Variants in OXR1 observed in about 807,000 individuals in gnomAD.
OXR1 encodes the protein oxidation resistance protein 1.
In OXR1, 41 loss-of-function variants were observed where a neutral mutation model predicts 104.6. The observed-to-expected ratio is 0.39, with a 90% CI of 0.31 to 0.51. OXR1 has a LOEUF of 0.51. Among genes scored for constraint, OXR1 ranks in the 20% least tolerant of loss-of-function variants. The pLI is 0.77. For synonymous variants in OXR1, 348 were observed against 348.4 expected, an observed-to-expected ratio of 1.00 and a Z score of 0.01; for missense variants, 955 against 1,031.9, an observed-to-expected ratio of 0.93 and a Z score of 1.02.
At chr8:106,400,195 T>C (rs1329535793) in intron 2 of OXR1, among the ~76,000 whole-genome samples, 1 of 152,158 alleles carries the variant, frequency 6.6e-6, no homozygotes, top group Non-Finnish European at 1.5e-5. Context: ...TTAATGATCG[T>C]TCAGGTTTAT....
At chr8:106,663,086 C>A (rs940075950) in intron 3 of OXR1, among the ~76,000 whole-genome samples, 1 of 152,188 alleles carries the variant, frequency 6.6e-6, no homozygotes, top group Non-Finnish European at 1.5e-5. Context: ...ATCCAAAACA[C>A]TCCTGTTCCC....
intron 1 of OXR1, among the ~76,000 whole-genome samples, chr8:106,296,045 TC>T (rs1812981427): frequency 6.6e-6 from 1 of 152,180 alleles, no homozygotes; most frequent in South Asian, 2.1e-4. Flanking sequence ...TTGAAATTGT[TC>T]CTGTAGGTGT....
chr8:106,644,055 G>T (rs1041065445), intron 3 of OXR1, among the ~76,000 whole-genome samples: 2 of 151,524 alleles, frequency 1.3e-5, no homozygotes, highest in Admixed American at 6.6e-5. Flanking sequence ...TTTACATTTT[G>T]ATTATAAAGA....
chr8:106,548,121 T>C (rs1815515816), intron 3 of OXR1, among the ~76,000 whole-genome samples: 1 of 152,216 alleles, frequency 6.6e-6, no homozygotes, highest in Admixed American at 6.5e-5. Context: ...TCTTTGCCAA[T>C]ATTTCTTATT....
intron 11 of OXR1, chr8:106,725,967 CT>C: frequency 5.9e-6 from 2 of 336,630 alleles, no homozygotes. Context: ...CTTTTGAGCC[CT>C]TTCTTTGCAC....
chr8:106,467,989 A>G (rs1208077290), intron 2 of OXR1, among the ~76,000 whole-genome samples: 1 of 151,896 alleles, frequency 6.6e-6, no homozygotes, highest in Non-Finnish European at 1.5e-5. Context: ...TAGAGCTAGA[A>G]AGAGAGTGAC....
chr8:106,408,272 A>C (rs536950022), intron 2 of OXR1, among the ~76,000 whole-genome samples: 1 of 152,258 alleles, frequency 6.6e-6, no homozygotes, highest in Non-Finnish European at 1.5e-5. Flanking sequence ...ACATTTTAGG[A>C]CATCAAGAGA....
intron 3 of OXR1, among the ~76,000 whole-genome samples, chr8:106,621,277 C>G (rs1231467630): frequency 6.6e-6 from 1 of 151,896 alleles, no homozygotes; most frequent in Non-Finnish European, 1.5e-5. Context: ...AAAGTGAGAC[C>G]CCTGTCTCTA....
At chr8:106,593,998 T>G (rs1819318381) in intron 3 of OXR1, among the ~76,000 whole-genome samples, 1 of 152,186 alleles carries the variant, frequency 6.6e-6, no homozygotes, top group South Asian at 2.1e-4. Context: ...GATGACAGAT[T>G]TAAGGTACGT....
chr8:106,394,595 G>T (rs1287945821), intron 2 of OXR1, among the ~76,000 whole-genome samples: 1 of 152,106 alleles, frequency 6.6e-6, no homozygotes, highest in Non-Finnish European at 1.5e-5. Context: ...ATACTACTCA[G>T]CAATAAAGAG....
At chr8:106,370,808 A>G (rs1034635524) in intron 2 of OXR1, among the ~76,000 whole-genome samples, 13 of 152,114 alleles carry the variant, frequency 8.5e-5, no homozygotes, top group Non-Finnish European at 1.5e-4. Flanking sequence ...CTAGTATTTT[A>G]TTGAGAATTT....
chr8:106,728,217 GAAAAAAAAAAA>G (rs1164061309), intron 11 of OXR1, among the ~76,000 whole-genome samples: 3 of 85,796 alleles, frequency 3.5e-5, no homozygotes, highest in African/African-American at 8.5e-5. Context: ...TTCTAAACTG[GAAAAAAAAAAA>G]AAAAAAAAAA....
At chr8:106,630,256 C>T (rs1335543897) in intron 3 of OXR1, among the ~76,000 whole-genome samples, 63 of 152,274 alleles carry the variant, frequency 4.1e-4, no homozygotes, top group Non-Finnish European at 2.2e-4. Flanking sequence ...ACTTACTGTC[C>T]TTCCCCTCAA....
At position 106,506,528 on chromosome 8, in the gene OXR1, T is replaced by G. The variant is rs534415742; in HGVS notation, c.24-12415T>G. 5.0e-3 allele frequency among the ~76,000 whole-genome samples: 754 copies of G among 152,038 alleles called. 6 individuals carry two copies. The highest frequency in any genetic ancestry group is 0.017 in the African/African-American group (722 of 41,462). ...CTCGGGAGGCTGAGGCAGGAGAATG[T>G]TGTGAACCCAGGAGGCGGAGCTTGC... On this transcript the variant is annotated intron_variant, in intron 2 of 16. Coordinates refer to ENST00000517566, the MANE Select transcript of OXR1 (RefSeq NM_001198533.2).
At chr8:106,716,049 A>T (rs1327284167) in intron 11 of OXR1, among the ~76,000 whole-genome samples, 1 of 152,224 alleles carries the variant, frequency 6.6e-6, no homozygotes, top group African/African-American at 2.4e-5. Flanking sequence ...TTAATTATTA[A>T]TTAAAAACCG....
rs1471883650 is a variant in OXR1 at position 106,575,860 on chromosome 8, T to C, written c.220+56721T>C. 2.0e-5 allele frequency among the ~76,000 whole-genome samples: 3 copies of C among 151,816 alleles called. No individual in the cohort carries two copies. In the East Asian group the frequency reaches 5.8e-4, roughly 29 times the overall value. ...TAACCTAGATAAAATCCTAACACATTTGATTATATGATTTTCAAATACGTG... is the reference window on the plus strand; with the variant it reads ...TAACCTAGATAAAATCCTAACACATCTGATTATATGATTTTCAAATACGTG... On this transcript the variant is annotated intron_variant, in intron 3 of 16. Coordinates refer to ENST00000517566, the MANE Select transcript of OXR1 (RefSeq NM_001198533.2).
intron 2 of OXR1, among the ~76,000 whole-genome samples, chr8:106,405,470 CT>C (rs1203240868): frequency 6.6e-6 from 1 of 152,038 alleles, no homozygotes; most frequent in Non-Finnish European, 1.5e-5. Context: ...GAAATGAAGT[CT>C]GATTCCCCTT....
At chr8:106,515,820 A>G (rs1812821487) in intron 2 of OXR1, among the ~76,000 whole-genome samples, 1 of 152,116 alleles carries the variant, frequency 6.6e-6, no homozygotes, top group Non-Finnish European at 1.5e-5. Flanking sequence ...GTGTAAATCC[A>G]TGTTTCCTCA....
At chr8:106,577,117 C>T (rs1817894371) in intron 3 of OXR1, among the ~76,000 whole-genome samples, 1 of 152,052 alleles carries the variant, frequency 6.6e-6, no homozygotes, top group Non-Finnish European at 1.5e-5. Flanking sequence ...ACAGTATTTG[C>T]TCCATGAAAT....
Sources: gnomAD v4.1 joint callset for allele counts (sites outside exome capture counted in the v4.1 genomes callset) on GRCh38, gnomAD v4.1.1 for gene constraint, MANE v1.5 for transcripts, NCBI Gene and HGNC (gene_info 2026-07-23, HGNC 2026-07-21) for gene names.